The following WDR62 variants were observed in gnomAD, a reference collection of about 807,000 sequenced individuals.
WDR62 encodes WD repeat-containing protein 62.
WDR62 carries 112 observed loss-of-function variants against 160.6 expected under a neutral mutation model. The observed-to-expected ratio is 0.70, with a 90% CI of 0.60 to 0.82. The LOEUF (loss-of-function observed/expected upper bound fraction) is 0.82. Ranked by LOEUF, WDR62 falls within the 40% of genes least tolerant of loss-of-function variation. The pLI is 0.00. For missense variants in WDR62, 1,819 were observed against 1,983.8 expected (o/e 0.92, Z 1.58); for synonymous variants, 792 against 815.1 (o/e 0.97, Z 0.48).
At chr19:36,069,874 T>G (rs1971192028) in intron 7 of WDR62, among the ~76,000 whole-genome samples, 1 of 152,030 alleles carries the variant, frequency 6.6e-6, no homozygotes, top group Non-Finnish European at 1.5e-5. Flanking sequence ...GGCGCGCGCC[T>G]GCAATCGCAG....
rs766227207 is a variant in WDR62, at chr19:36,066,242, C to G, written c.391-15C>G. ...GTACAGAGCCCAGCAGCAGTAACGACCCCACCTTCCCTAGAATGGGCATAG... is the reference window on the plus strand; with the variant it reads ...GTACAGAGCCCAGCAGCAGTAACGAGCCCACCTTCCCTAGAATGGGCATAG... On this transcript the variant is annotated splice_polypyrimidine_tract_variant and intron_variant, in intron 4 of 31. Coordinates refer to ENST00000401500, the MANE Select transcript of WDR62 (RefSeq NM_001083961.2). The G allele has an allele frequency of 1.9e-6, 3 of 1,614,042 alleles. No individual in the cohort carries two copies. The highest frequency in any genetic ancestry group is 1.1e-5 in the South Asian group (1 of 91,072).
rs750778618 is a variant in WDR62 at position 36,089,213 on chromosome 19, C to T, written c.1865C>T (p.Thr622Ile). ...TCGGATGGACTACACTTTGTCCGTA[C>T]CCACCACGTAGCAGAGAAAACCACC... ...QGSDGLHFVR[T>I]HHVAEKTTLY... The change falls in exon 15 of 32, where the codon ACC becomes ATC. Residue 622 changes from threonine (T) to isoleucine (I), a missense_variant. Coordinates refer to ENST00000401500, the MANE Select transcript of WDR62 (RefSeq NM_001083961.2). 6.2e-7 allele frequency: 1 copy of T among 1,614,200 alleles called. No individual in the cohort carries two copies. Among genetic ancestry groups the T allele is most frequent in the East Asian group, 2.2e-5 (1 of 44,890 alleles).
At chr19:36,079,373 T>C (rs1158033237) in intron 9 of WDR62, among the ~76,000 whole-genome samples, 1 of 152,220 alleles carries the variant, frequency 6.6e-6, no homozygotes, top group Non-Finnish European at 1.5e-5. Flanking sequence ...GTTATTTTTA[T>C]ACTGTGTTAA....
In WDR62 at chr19:36,083,144, A is replaced by C. The variant is rs1972000684; in HGVS notation, c.1453A>C (p.Asn485His). The change falls in exon 11 of 32, where the codon AAT becomes CAT. Residue 485 changes from asparagine to histidine, a missense_variant. Physicochemically the swap from Asn to His is moderately conservative, Grantham distance 68 (BLOSUM62 1). Coordinates refer to ENST00000401500, the MANE Select transcript of WDR62 (RefSeq NM_001083961.2). ...MSHFPDRGSE[N>H]GTPMDVKAGV... The stretch of plus-strand genomic sequence containing the variant: ...ACACTTCCCAGACCGGGGGAGCGAG[A>C]ATGGGACACCCATGGACGTGAAAGC... 6.2e-7 allele frequency: 1 copy of C among 1,613,646 alleles called. No individual in the cohort carries two copies. The highest frequency in any genetic ancestry group is 1.3e-5 in the African/African-American group (1 of 74,934).
downstream of WDR62, among the ~76,000 whole-genome samples, chr19:36,107,600 G>T (rs1973738862): frequency 6.6e-6 from 1 of 151,914 alleles, no homozygotes; most frequent in Admixed American, 6.5e-5. Context: ...CTCCCTGGGA[G>T]ACTCATCTGG....
rs548692287 is a variant in WDR62 at position 36,082,240 on chromosome 19, C to T, written c.1371+670C>T. On this transcript the variant is annotated intron_variant, in intron 10 of 31. Transcript: ENST00000401500. ...CCATGTTAATGCACAATCACAAGTG[C>T]GAAAAGCACTGTGAAGGAAAATGTG... Among the ~76,000 whole-genome samples, 3 of 152,274 alleles carry T rather than the reference C, an allele frequency of 2.0e-5. No individual in the cohort carries two copies. In the East Asian group the frequency reaches 5.8e-4, roughly 29 times the overall value.
Position 36,073,362 on chromosome 19 carries a change from C to T in WDR62, c.1064C>T (p.Ala355Val), listed in dbSNP as rs764859949. 2.5e-5 allele frequency: 41 copies of T among 1,614,140 alleles called. No individual in the cohort carries two copies. The highest frequency in any genetic ancestry group is 3.1e-5 in the Non-Finnish European group (37 of 1,180,024). The change falls in exon 9 of 32, where the codon GCG (alanine) becomes GTG (valine). Residue 355 changes from alanine to valine, a missense_variant. Coordinates refer to ENST00000401500, the MANE Select transcript of WDR62 (RefSeq NM_001083961.2). The stretch of plus-strand genomic sequence containing the variant: ...GTTAGCTTCCTCTTCCACAGGAAGG[C>T]GGAAGCAGTCTACCCAGATACAGTG... ...LEPSFLFHRK[A>V]EAVYPDTVAL...
chr19:36,071,457 G>A (rs1971293126), intron 7 of WDR62, 99 bp from the exon 8 acceptor site: 11 of 1,407,706 alleles, frequency 7.8e-6, no homozygotes, highest in Non-Finnish European at 1.0e-5. Context: ...GGAACTGTAA[G>A]TCTTCTCTGG....
At position 36,102,841 on chromosome 19, in the gene WDR62, A is replaced by C. The variant is rs749797527; in HGVS notation, c.3325A>C (p.Lys1109Gln). 6.2e-7 allele frequency: 1 copy of C among 1,614,058 alleles called. No individual in the cohort carries two copies. The highest frequency in any genetic ancestry group is 1.3e-5 in the African/African-American group (1 of 74,912). The change falls in exon 27 of 32, where the codon AAG (lysine) becomes CAG (glutamine). Residue 1109 changes from lysine to glutamine, a missense_variant. By Grantham distance (53) the Lys-to-Gln change is moderately conservative. This residue lies in a region of WDR62 where 770 missense variants were observed against 734.2 expected (regional missense o/e 1.05). Coordinates refer to ENST00000401500, the MANE Select transcript of WDR62 (RefSeq NM_001083961.2). ...ISTQFLSSLQ[K>Q]ASRFTHTFPP... ...CACGCAGTTCCTCTCAAGCCTCCAG[A>C]AGGCATCCAGGTAGAAGCTGGCCAA...
chr19:36,092,612 G>A, intron 18 of WDR62, 77 bp from the exon 19 acceptor site: 1 of 1,599,734 alleles, frequency 6.3e-7, no homozygotes, highest in Non-Finnish European at 8.6e-7. Flanking sequence ...GGTGTGGGTG[G>A]CTTCAGGGTC....
chr19:36,089,971 G>A (rs1032323276), intron 15 of WDR62, among the ~76,000 whole-genome samples: 3 of 152,346 alleles, frequency 2.0e-5, no homozygotes, highest in Admixed American at 1.3e-4. Context: ...GGAGCTCACA[G>A]TCCAGTAGAA....
chr19:36,056,167 A>C (rs1970358605), intron 1 of WDR62, among the ~76,000 whole-genome samples: 1 of 152,076 alleles, frequency 6.6e-6, no homozygotes, highest in Non-Finnish European at 1.5e-5. Flanking sequence ...CTCTGTCTCA[A>C]AATAAATAAA....
At chr19:36,092,926 C>T (rs1407461003) in intron 19 of WDR62, 115 bp downstream of exon 19, 2 of 1,467,936 alleles carry the variant, frequency 1.4e-6, no homozygotes, top group Non-Finnish European at 9.5e-7. Context: ...CCTTAGCACA[C>T]TCACAGCTGA....
At chr19:36,068,259 G>A (rs1452711472) in intron 7 of WDR62, among the ~76,000 whole-genome samples, 1 of 152,138 alleles carries the variant, frequency 6.6e-6, no homozygotes, top group Non-Finnish European at 1.5e-5. Context: ...ACCCTGAAAT[G>A]GGCTCAAGGT....
chr19:36,083,483 A>G (rs1447088885), intron 11 of WDR62, among the ~76,000 whole-genome samples: 1 of 152,150 alleles, frequency 6.6e-6, no homozygotes, highest in Non-Finnish European at 1.5e-5. Context: ...TTGCCTATAG[A>G]GTGTACAGGC....
chr19:36,105,435 C>G (rs1973689182), downstream of WDR62, among the ~76,000 whole-genome samples: 1 of 152,100 alleles, frequency 6.6e-6, no homozygotes, highest in African/African-American at 2.4e-5. Flanking sequence ...CCTTGCCCAG[C>G]AGTCCACGCT....
chr19:36,084,826 T>C, intron 12 of WDR62, 82 bp downstream of exon 12: 1 of 1,319,192 alleles, frequency 7.6e-7, no homozygotes, highest in Non-Finnish European at 1.1e-6. Context: ...GTAGTTGGTG[T>C]CTGGTGGGAC....
At chr19:36,100,982 G>A in intron 23 of WDR62, 107 bp downstream of exon 23, 2 of 1,553,472 alleles carry the variant, frequency 1.3e-6, no homozygotes, top group East Asian at 4.5e-5. Context: ...GTGGGAGTGG[G>A]GACAGTTGAG....
chr19:36,082,985 A>G, intron 10 of WDR62, 78 bp from the exon 11 acceptor site: 1 of 1,302,948 alleles, frequency 7.7e-7, no homozygotes, highest in African/African-American at 1.5e-5. Context: ...AACGAAGAAG[A>G]GACTGGCTAT....
Sources: gnomAD v4.1 joint callset for allele counts (sites outside exome capture counted in the v4.1 genomes callset) on GRCh38, gnomAD v4.1.1 for gene constraint, gnomAD v4.1.1 regional missense constraint, MANE v1.5 for transcripts, NCBI Gene and HGNC (gene_info 2026-07-23, HGNC 2026-07-21) for gene names.